The following RBFOX3 variants were observed in gnomAD, a reference collection of about 807,000 sequenced individuals.
RBFOX3 encodes RNA binding fox-1 homolog 3.
Under a neutral mutation model 48.7 loss-of-function variants are expected in RBFOX3, and 17 were observed. The ratio of observed to expected loss-of-function variants is 0.35; its 90% CI spans 0.24 to 0.52. The LOEUF (loss-of-function observed/expected upper bound fraction) is 0.52, where lower values mean the gene tolerates loss of function less well. Among genes scored for constraint, RBFOX3 ranks in the 20% least tolerant of loss-of-function variants. RBFOX3 has a pLI of 0.94. For synonymous variants in RBFOX3, 212 were observed against 209.5 expected (o/e 1.01, Z -0.10); for missense variants, 382 against 497.5 (o/e 0.77, Z 2.21).
intron 4 of RBFOX3, among the ~76,000 whole-genome samples, chr17:79,174,371 GCACACA>G (rs910155621): frequency 6.9e-6 from 1 of 145,718 alleles, no homozygotes; most frequent in Admixed American, 6.8e-5. Flanking sequence ...AGACACATGC[GCACACA>G]CACACATCCA....
At chr17:79,565,663 T>C (rs2092429180) in intron 1 of RBFOX3, among the ~76,000 whole-genome samples, 1 of 152,152 alleles carries the variant, frequency 6.6e-6, no homozygotes, top group South Asian at 2.1e-4. Context: ...TTTTTGGCAA[T>C]AGAATTCATT....
the RBFOX3 span, among the ~76,000 whole-genome samples, chr17:79,637,808 GA>G: frequency 7.0e-6 from 1 of 142,626 alleles, no homozygotes; most frequent in South Asian, 2.4e-4. Flanking sequence ...GAAGGGAAGG[GA>G]AGGGAAGGGA....
the RBFOX3 span, among the ~76,000 whole-genome samples, chr17:79,654,910 C>T: frequency 6.6e-6 from 1 of 152,166 alleles, no homozygotes; most frequent in Admixed American, 6.5e-5. Flanking sequence ...GCGAGCCTAC[C>T]GTCTAAGGAC....
chr17:79,455,821 C>T (rs1443829743), intron 2 of RBFOX3, among the ~76,000 whole-genome samples: 1 of 152,204 alleles, frequency 6.6e-6, no homozygotes, highest in African/African-American at 2.4e-5. Flanking sequence ...CCACATGCAC[C>T]CTTGACACCT....
chr17:79,517,411 C>T (rs1314865972), intron 1 of RBFOX3, among the ~76,000 whole-genome samples: 1 of 128,858 alleles, frequency 7.8e-6, no homozygotes, highest in Non-Finnish European at 1.6e-5. Context: ...TGCCACTGCA[C>T]ATCAGCCTGG....
intron 4 of RBFOX3, among the ~76,000 whole-genome samples, chr17:79,209,100 T>G (rs1210466147): frequency 6.6e-6 from 1 of 151,824 alleles, no homozygotes; most frequent in Admixed American, 6.6e-5. Flanking sequence ...ATTACAGGCG[T>G]GAGCCACCAC....
At chr17:79,269,153 G>A (rs2067238961) in intron 3 of RBFOX3, among the ~76,000 whole-genome samples, 2 of 152,252 alleles carry the variant, frequency 1.3e-5, no homozygotes, top group South Asian at 4.1e-4. Flanking sequence ...CAGGAAGAAG[G>A]CATGGGAGGG....
intron 4 of RBFOX3, among the ~76,000 whole-genome samples, chr17:79,141,232 G>A (rs1388354127): frequency 1.3e-5 from 2 of 152,186 alleles, no homozygotes; most frequent in African/African-American, 2.4e-5. Context: ...TGCAATAAGC[G>A]AGAGGGCTGA....
intron 2 of RBFOX3, among the ~76,000 whole-genome samples, chr17:79,472,396 T>C (rs551576028): frequency 3.3e-5 from 5 of 152,326 alleles, no homozygotes; most frequent in African/African-American, 1.2e-4. Context: ...TCCTAACCCC[T>C]AGTACGTTAG....
chr17:79,519,820 G>A (rs2085795642), intron 1 of RBFOX3, among the ~76,000 whole-genome samples: 3 of 152,114 alleles, frequency 2.0e-5, no homozygotes, highest in Admixed American at 6.5e-5. Flanking sequence ...GAGCGTCCCT[G>A]GCTGGCAACA....
chr17:79,420,176 A>ACACACACACACACACAC (rs1568218047), intron 2 of RBFOX3, among the ~76,000 whole-genome samples: 8 of 37,560 alleles, frequency 2.1e-4, no homozygotes, highest in Admixed American at 1.8e-3. Flanking sequence ...CACACACACA[A>ACACACACACACACACAC]AAGATGGTTA....
chr17:79,218,393 T>C (rs1179672355), intron 4 of RBFOX3, among the ~76,000 whole-genome samples: 1 of 152,136 alleles, frequency 6.6e-6, no homozygotes, highest in Admixed American at 6.5e-5. Flanking sequence ...ATCTGGCTCC[T>C]GGGAAGATGA....
chr17:79,276,686 A>G (rs1403982996), intron 3 of RBFOX3, among the ~76,000 whole-genome samples: 5 of 152,186 alleles, frequency 3.3e-5, no homozygotes, highest in African/African-American at 1.2e-4. Context: ...CTCTGCCTTA[A>G]AAAAACAAAA....
At chr17:79,430,059 T>G (rs886737096) in intron 2 of RBFOX3, among the ~76,000 whole-genome samples, 12 of 152,266 alleles carry the variant, frequency 7.9e-5, no homozygotes, top group African/African-American at 2.9e-4. Flanking sequence ...CCTAGCTCCC[T>G]GGAGACATCA....
At chr17:79,154,185 C>T (rs928884660) in intron 4 of RBFOX3, among the ~76,000 whole-genome samples, 3 of 138,212 alleles carry the variant, frequency 2.2e-5, no homozygotes, top group African/African-American at 7.9e-5. Flanking sequence ...TTCAGTTCTT[C>T]GAACACGCTA....
intron 4 of RBFOX3, among the ~76,000 whole-genome samples, chr17:79,160,165 A>T (rs2046683220): frequency 6.6e-6 from 1 of 152,258 alleles, no homozygotes; most frequent in Non-Finnish European, 1.5e-5. Flanking sequence ...ATTAGCAGAC[A>T]TAGCTCCAGG....
rs561131004 is a variant in RBFOX3, at chr17:79,458,944, A to G, written c.-175+23510T>C. Among the ~76,000 whole-genome samples, 35 of 152,322 alleles carry G rather than the reference A, an allele frequency of 2.3e-4. 1 individual carries two copies. The East Asian group carries it at 6.2e-3, about 27-fold the overall frequency. On this transcript the variant is annotated intron_variant, in intron 2 of 14. Transcript: ENST00000693108. Reference sequence around the variant, plus strand: ...CATGGCTGGATCTAATGGCAAGCACAGGAAGCTGGGGCACCTGCCTGTGCA... The same window carrying G: ...CATGGCTGGATCTAATGGCAAGCACGGGAAGCTGGGGCACCTGCCTGTGCA...
At chr17:79,375,017 G>C (rs1456135150) in intron 2 of RBFOX3, among the ~76,000 whole-genome samples, 5 of 151,960 alleles carry the variant, frequency 3.3e-5, no homozygotes, top group African/African-American at 9.7e-5. Context: ...CAGCCTAAGG[G>C]CACCACTCTC....
In RBFOX3 at chr17:79,106,780, G is replaced by A. The variant is rs940332840; in HGVS notation, c.231C>T (p.Asp77=). Residue 77 remains aspartate, a synonymous_variant, in exon 6 of 15, where the codon GAC becomes GAT. Coordinates refer to ENST00000693108, the MANE Select transcript of RBFOX3 (RefSeq NM_001350451.2). ...IAGTQTVPQT[D]EAAQTDSQPL... is the part of the protein sequence containing the mutation. ...GCTGGCTGTCCGTCTGTGCCGCCTCGTCTGTCTGCTGCAGGGAGAGGACTG... is the reference window on the plus strand; with the variant it reads ...GCTGGCTGTCCGTCTGTGCCGCCTCATCTGTCTGCTGCAGGGAGAGGACTG... The A allele has an allele frequency of 3.0e-5, 45 of 1,520,026 alleles. No homozygotes were observed. The highest frequency in any genetic ancestry group is 1.6e-4 in the African/African-American group (11 of 70,936). 94.2% of individuals were successfully genotyped at this position (1,520,026 alleles called of 1,614,324 possible).
Sources: allele counts gnomAD v4.1 joint callset (sites outside exome capture counted in the v4.1 genomes callset), GRCh38; gene constraint gnomAD v4.1.1; transcripts MANE v1.5; gene names NCBI Gene and HGNC (gene_info 2026-07-23, HGNC 2026-07-21).